The following COL7A1 variants were observed in gnomAD, a reference collection of about 807,000 sequenced individuals.
COL7A1 encodes the protein collagen type VII alpha 1 chain.
In COL7A1, 296 loss-of-function variants were observed where a neutral mutation model predicts 456.2. The ratio of observed to expected loss-of-function variants is 0.65; its 90% CI spans 0.59 to 0.71. COL7A1 has a LOEUF of 0.71. COL7A1 is among the 30% of genes least tolerant of loss of function. COL7A1 has a pLI of 0.00. For missense variants in COL7A1, 3,441 were observed against 4,017.2 expected, an observed-to-expected ratio of 0.86 and a Z score of 3.88; for synonymous variants, 1,464 against 1,525.9, an observed-to-expected ratio of 0.96 and a Z score of 0.95.
Position 48,566,520 on chromosome 3 carries a change from G to C in COL7A1, c.8348C>G (p.Ala2783Gly), listed in dbSNP as rs774788540. 1.9e-6 allele frequency: 3 copies of C among 1,613,946 alleles called. No homozygotes were observed. The highest frequency in any genetic ancestry group is 3.3e-5 in the Admixed American group (2 of 60,022). ...CAGGCCCACACTCACCGTCAGTGCA[G>C]CTTCTCCCTTCTCGCCTCGAGGACC... ...PAGPRGEKGE[A>G]ALTEDDIRGF... The change falls in exon 113 of 119, where the codon GCT becomes GGT. Residue 2783 changes from alanine to glycine, a missense_variant. Transcript: ENST00000681320. This position sits in a 1 kb window ranked among gnomAD's most constrained non-coding sequence, Gnocchi z 5.9.
In COL7A1 at chr3:48,586,909, T is replaced by C; in HGVS notation, c.3276+63A>G. Reference sequence around the variant, plus strand: ...TATTGGGTGGTCAGGAGATGGTAACTGGTATGGAGCCTGGGTGGGGGGCCT... The same window carrying C: ...TATTGGGTGGTCAGGAGATGGTAACCGGTATGGAGCCTGGGTGGGGGGCCT... On this transcript the variant is annotated intron_variant, in intron 25 of 118. Transcript: ENST00000681320. The surrounding 1 kb of genome is among the most constrained non-coding windows in gnomAD (Gnocchi z 5.1). The C allele has an allele frequency of 6.4e-7, 1 of 1,554,836 alleles. No homozygotes were observed. The highest frequency in any genetic ancestry group is 8.7e-7 in the Non-Finnish European group (1 of 1,149,020).
Position 48,592,019 on chromosome 3 carries a change from C to G in COL7A1, c.1241-5G>C. On this transcript the variant is annotated splice_region_variant and splice_polypyrimidine_tract_variant and intron_variant, in intron 10 of 118. Transcript: ENST00000681320. The surrounding 1 kb of genome is among the most constrained non-coding windows in gnomAD (Gnocchi z 7.6). ...GGGTCTGCTCAACAGAAGCGTCTGCCCAGGGCACATGGGATGTCAGTGGCC... is the reference window on the plus strand; with the variant it reads ...GGGTCTGCTCAACAGAAGCGTCTGCGCAGGGCACATGGGATGTCAGTGGCC... The G allele has an allele frequency of 6.2e-7, 1 of 1,614,212 alleles. No individual in the cohort carries two copies. Among genetic ancestry groups the G allele is most frequent in the Non-Finnish European group, 8.5e-7 (1 of 1,180,040 alleles).
intron 35 of COL7A1, 46 bp from the exon 36 acceptor site, chr3:48,584,602 T>C (rs2045085110): frequency 6.2e-7 from 1 of 1,613,172 alleles, no homozygotes. Context: ...TATGGGGGCC[T>C]TGAGCTGGAA....
chr3:48,579,731 C>G lies in COL7A1; in HGVS notation c.5154+54G>C. On this transcript the variant is annotated intron_variant, in intron 58 of 118. Transcript: ENST00000681320. The surrounding 1 kb of genome is among the most constrained non-coding windows in gnomAD (Gnocchi z 4.4). ...AGCCAAGCCATGCCCAAGGTAGAAC[C>G]TGCTGGGAGGGGCACTGGGGTCTTT... 1.2e-5 allele frequency: 20 copies of G among 1,613,924 alleles called. No individual in the cohort carries two copies. The highest frequency in any genetic ancestry group is 1.7e-5 in the Non-Finnish European group (20 of 1,179,992).
chr3:48,581,736 G>A lies in COL7A1; in HGVS notation c.4692C>T (p.Pro1564=). ...GEKGDVGPAG[P]RGATGVQGER... ...CCCCTTGGACTCCGGTAGCTCCTCT[G>A]GGCCCAGCGGGCCCCACATCTCCCT... Residue 1564 remains proline, a synonymous_variant, in exon 49 of 119, where the codon CCC becomes CCT. Coordinates refer to ENST00000681320, the MANE Select transcript of COL7A1 (RefSeq NM_000094.4). The surrounding 1 kb of genome is among the most constrained non-coding windows in gnomAD (Gnocchi z 5.8). 1 of 1,614,058 alleles carries A rather than the reference G, an allele frequency of 6.2e-7. No individual in the cohort carries two copies. The highest frequency in any genetic ancestry group is 1.1e-5 in the South Asian group (1 of 91,082).
chr3:48,568,522 C>A lies in COL7A1; in HGVS notation c.7771G>T (p.Ala2591Ser). ...ACCGGGTCACCAGGGATCCCTGCTG[C>A]ACCAGGTTGACCCTGTGAGAAACAC... ...GLLGPQGQPG[A>S]AGIPGDPGSP... The change falls in exon 105 of 119, where the codon GCA becomes TCA. Residue 2591 changes from alanine to serine, a missense_variant. Ala to Ser is a moderately conservative substitution (Grantham distance 99, BLOSUM62 1). Transcript: ENST00000681320. This position sits in a 1 kb window ranked among gnomAD's most constrained non-coding sequence, Gnocchi z 5.2. 6.2e-7 allele frequency: 1 copy of A among 1,608,026 alleles called. No individual in the cohort carries two copies. Among genetic ancestry groups the A allele is most frequent in the Non-Finnish European group, 8.5e-7 (1 of 1,175,658 alleles).
chr3:48,564,608 G>T lies in COL7A1; in HGVS notation c.8818+175C>A. On this transcript the variant is annotated intron_variant, in intron 118 of 118. Transcript: ENST00000681320. This position sits in a 1 kb window ranked among gnomAD's most constrained non-coding sequence, Gnocchi z 6.0. ...AAGGGGACCCTACTGGGGGCTCCAC[G>T]GCTGGGGCTCTATATTCAGCTCTTT... 1 of 1,017,816 alleles carries T rather than the reference G, an allele frequency of 9.8e-7. No individual in the cohort carries two copies. Among genetic ancestry groups the T allele is most frequent in the Non-Finnish European group, 1.5e-6 (1 of 682,402 alleles). The allele number at this position is 1,017,816 out of a possible 1,614,324, so 63.0% of individuals were successfully genotyped here. A position where few individuals can be genotyped will look rare whatever the true frequency, so the allele number is the denominator to read the frequency against.
chr3:48,572,320 G>A lies in COL7A1; in HGVS notation c.6978+60C>T. On this transcript the variant is annotated intron_variant, in intron 90 of 118. Coordinates refer to ENST00000681320, the MANE Select transcript of COL7A1 (RefSeq NM_000094.4). The surrounding 1 kb of genome is among the most constrained non-coding windows in gnomAD (Gnocchi z 4.6). ...GTAAACTATGGGTCGAAGGTCAGAA[G>A]TTAGGCCACTGGAGAGACAGGACCC... 1 of 1,613,814 alleles carries A rather than the reference G, an allele frequency of 6.2e-7. No homozygotes were observed. Among genetic ancestry groups the A allele is most frequent in the Non-Finnish European group, 8.5e-7 (1 of 1,179,674 alleles).
chr3:48,570,017 C>G lies in COL7A1; in HGVS notation c.7486-102G>C. The G allele has an allele frequency of 6.3e-7, 1 of 1,595,288 alleles. No homozygotes were observed. The highest frequency in any genetic ancestry group is 8.6e-7 in the Non-Finnish European group (1 of 1,164,400). ...AACAGTGGGGACCAGACAAAGGGGA[C>G]AGGGGTAGACGAGGAGGGCCAGAGG... On this transcript the variant is annotated intron_variant, in intron 99 of 118. Transcript: ENST00000681320. This position sits in a 1 kb window ranked among gnomAD's most constrained non-coding sequence, Gnocchi z 5.5.
rs562521065 is a variant in COL7A1, at chr3:48,581,624, G to T, written c.4731C>A (p.Pro1577=). ...ATGVQGERGP[P]GLVLPGDPGP... is the part of the protein sequence containing the mutation. ...CAGGGTCTCCAGGAAGAACCAAGCC[G>T]GGTGGGCCCTGTGGATGGAAGGATA... The change falls in exon 50 of 119, where the codon CCC becomes CCA. Residue 1577 remains proline, a synonymous_variant. Transcript: ENST00000681320. This position sits in a 1 kb window ranked among gnomAD's most constrained non-coding sequence, Gnocchi z 5.8. 1.2e-6 allele frequency: 2 copies of T among 1,614,064 alleles called. No homozygotes were observed. Among genetic ancestry groups the T allele is most frequent in the African/African-American group, 2.7e-5 (2 of 74,904 alleles).
intron 35 of COL7A1, 29 bp downstream of exon 35, chr3:48,584,705 C>A: frequency 6.2e-7 from 1 of 1,613,916 alleles, no homozygotes; most frequent in Non-Finnish European, 8.5e-7. Context: ...CTGGGACATC[C>A]CGGCCGCCTC....
At chr3:48,582,765 T>C (rs2044865731) in intron 44 of COL7A1, 112 bp from the exon 45 acceptor site, 1 of 1,283,914 alleles carries the variant, frequency 7.8e-7, no homozygotes, top group African/African-American at 1.5e-5. Flanking sequence ...GATTGGGATT[T>C]AGGTTGGCAG....
Position 48,568,287 on chromosome 3 carries a change from C to T in COL7A1, c.7795-117G>A. 4 of 1,247,668 alleles carry T rather than the reference C, an allele frequency of 3.2e-6. No individual in the cohort carries two copies. Among genetic ancestry groups the T allele is most frequent in the Non-Finnish European group, 4.6e-6 (4 of 863,414 alleles). The allele number at this position is 1,247,668 out of a possible 1,614,324, so 77.3% of individuals were successfully genotyped here. A position where few individuals can be genotyped will look rare whatever the true frequency, so the allele number is the denominator to read the frequency against. On this transcript the variant is annotated intron_variant, in intron 105 of 118. Coordinates refer to ENST00000681320, the MANE Select transcript of COL7A1 (RefSeq NM_000094.4). This position sits in a 1 kb window ranked among gnomAD's most constrained non-coding sequence, Gnocchi z 5.2. Reference sequence around the variant, plus strand: ...TGGGAGTCACCTCTGGAGGCCAGAGCCACTGGGGCTTGCCATGGGGACAAG... The same window carrying T: ...TGGGAGTCACCTCTGGAGGCCAGAGTCACTGGGGCTTGCCATGGGGACAAG...
intron 47 of COL7A1, 73 bp downstream of exon 47, chr3:48,582,250 A>G: frequency 6.2e-7 from 1 of 1,610,998 alleles, no homozygotes; most frequent in African/African-American, 1.3e-5. Context: ...ATCACAGCCC[A>G]GATAGTGTTC....
Position 48,593,803 on chromosome 3 carries a change from G to C in COL7A1, c.267-107C>G. On this transcript the variant is annotated intron_variant, in intron 3 of 118. Coordinates refer to ENST00000681320, the MANE Select transcript of COL7A1 (RefSeq NM_000094.4). This position sits in a 1 kb window ranked among gnomAD's most constrained non-coding sequence, Gnocchi z 4.4. Reference sequence around the variant, plus strand: ...GTTACGGGTATCAGGCTCTCTTGAGGGGTCCCTTCGTTCTGTCATTCTCCA... The same window carrying C: ...GTTACGGGTATCAGGCTCTCTTGAGCGGTCCCTTCGTTCTGTCATTCTCCA... The C allele has an allele frequency of 7.4e-7, 1 of 1,357,894 alleles. No homozygotes were observed. The highest frequency in any genetic ancestry group is 1.1e-6 in the Non-Finnish European group (1 of 952,072). 84.1% of individuals were successfully genotyped at this position (1,357,894 alleles called of 1,614,324 possible).
rs1000706761 is a variant in COL7A1, at chr3:48,578,739, A to G, written c.5424+180T>C. Among the ~76,000 whole-genome samples, 6 of 152,168 alleles carry G rather than the reference A, an allele frequency of 3.9e-5. No homozygotes were observed. Among genetic ancestry groups the G allele is most frequent in the Non-Finnish European group, 8.8e-5 (6 of 68,010 alleles). On this transcript the variant is annotated intron_variant, in intron 63 of 118. Transcript: ENST00000681320. The surrounding 1 kb of genome is among the most constrained non-coding windows in gnomAD (Gnocchi z 4.7). ...CTTGGAGGGCCTATGAAGACCCCCA[A>G]GGCAAAGAAGGTCAGAAAGGGGGAT...
Position 48,587,539 on chromosome 3 carries a change from G to A in COL7A1, c.2873C>T (p.Pro958Leu), listed in dbSNP as rs766728190. 1 of 1,613,538 alleles carries A rather than the reference G, an allele frequency of 6.2e-7. No individual in the cohort carries two copies. The highest frequency in any genetic ancestry group is 8.5e-7 in the Non-Finnish European group (1 of 1,180,024). Residue 958 changes from proline to leucine, a missense_variant, in exon 23 of 119, where the codon CCA becomes CTA. Transcript: ENST00000681320. The surrounding 1 kb of genome is among the most constrained non-coding windows in gnomAD (Gnocchi z 6.1). Reference protein sequence around the residue: ...VTARTESPRVPSIELRVVDTS... With the variant: ...VTARTESPRVLSIELRVVDTS... ...GTCCACCACACGTAGTTCAATGCTT[G>A]GAACACGAGGTGACTCTGAAGGAGG... is the stretch of plus-strand genomic sequence containing the variant.
At position 48,587,672 on chromosome 3, in the gene COL7A1, G is replaced by A. The variant is rs2045372116; in HGVS notation, c.2858-118C>T. ...GAAGCATCATGGGAGGTCATGCTGG[G>A]GTCACCCAGGGTCAGAGGGTGAGGG... On this transcript the variant is annotated intron_variant, in intron 22 of 118. Coordinates refer to ENST00000681320, the MANE Select transcript of COL7A1 (RefSeq NM_000094.4). The surrounding 1 kb of genome is among the most constrained non-coding windows in gnomAD (Gnocchi z 6.1). The A allele has an allele frequency of 6.3e-7, 1 of 1,593,958 alleles. No individual in the cohort carries two copies. The highest frequency in any genetic ancestry group is 8.6e-7 in the Non-Finnish European group (1 of 1,162,832).
Position 48,587,942 on chromosome 3 carries a change from G to T in COL7A1, c.2711-3C>A. On this transcript the variant is annotated splice_region_variant and splice_polypyrimidine_tract_variant and intron_variant, in intron 21 of 118. Coordinates refer to ENST00000681320, the MANE Select transcript of COL7A1 (RefSeq NM_000094.4). This position sits in a 1 kb window ranked among gnomAD's most constrained non-coding sequence, Gnocchi z 6.1. ...GACCCGGGACTGTTCCTGGCCACCT[G>T]GGGCAGGCGTGAGGGTGGGGGCCAA... is the stretch of plus-strand genomic sequence containing the variant. 6.3e-7 allele frequency: 1 copy of T among 1,586,690 alleles called. No homozygotes were observed. The highest frequency in any genetic ancestry group is 1.3e-5 in the African/African-American group (1 of 74,388).
Sources: allele counts gnomAD v4.1 joint callset (sites outside exome capture counted in the v4.1 genomes callset), GRCh38; gene constraint gnomAD v4.1.1; non-coding constraint Gnocchi (gnomAD v3.1); transcripts MANE v1.5; gene names NCBI Gene and HGNC (gene_info 2026-07-23, HGNC 2026-07-21).